The following NDUFAF6 variants were observed in gnomAD, a reference collection of about 807,000 sequenced individuals.
NDUFAF6 encodes the protein NADH:ubiquinone oxidoreductase complex assembly factor 6, also known as NADH dehydrogenase (ubiquinone) complex I, assembly factor 6.
A neutral mutation model predicts 40.8 loss-of-function variants in NDUFAF6; 45 were observed. The ratio of observed to expected loss-of-function variants is 1.10; its 90% CI spans 0.87 to 1.42. The LOEUF (loss-of-function observed/expected upper bound fraction) is 1.42. NDUFAF6 is among the 40% of genes most tolerant of loss of function. NDUFAF6 has a pLI of 0.00. For synonymous variants in NDUFAF6, 185 were observed against 155.9 expected, an observed-to-expected ratio of 1.19 and a Z score of -1.39; for missense variants, 435 against 418.5, an observed-to-expected ratio of 1.04 and a Z score of -0.34.
Position 94,990,193 on chromosome 8 carries a change from A to G in NDUFAF6, c.-84+9220A>G, listed in dbSNP as rs28514338. On this transcript the variant is annotated intron_variant, in intron 2 of 9. Coordinates refer to the NDUFAF6 transcript ENST00000396111. ...CTGAGTGACTGTGGAGCAAGCTGAG[A>G]GGTCTGCTTTGCTGAAAGACAAGGA... Among the ~76,000 whole-genome samples, 1,041 of 152,320 alleles carry G rather than the reference A, an allele frequency of 6.8e-3. 15 individuals carry two copies. The highest frequency in any genetic ancestry group is 0.023 in the African/African-American group (960 of 41,564).
chr8:95,092,272 C>CCCAG (rs1809278316), intron 2 of NDUFAF6, among the ~76,000 whole-genome samples: 1 of 151,156 alleles, frequency 6.6e-6, no homozygotes, highest in Non-Finnish European at 1.5e-5. Context: ...ATCTCCGCAT[C>CCCAG]CCAGGTTCAA....
chr8:95,099,846 C>T (rs1213056695), upstream of NDUFAF6, among the ~76,000 whole-genome samples: 7 of 152,188 alleles, frequency 4.6e-5, no homozygotes, highest in African/African-American at 9.7e-5. Context: ...ATCACTAAAT[C>T]GTTTCCTATA....
At chr8:95,036,548 C>G (rs969594370) in intron 3 of NDUFAF6, 3 of 1,233,390 alleles carry the variant, frequency 2.4e-6, no homozygotes, top group Non-Finnish European at 3.1e-6. Flanking sequence ...AGAAGCTCAA[C>G]CTAGGTGACT....
chr8:94,931,914 G>A (rs1563721635), intron 1 of NDUFAF6, among the ~76,000 whole-genome samples: 1 of 152,186 alleles, frequency 6.6e-6, no homozygotes, highest in Admixed American at 6.5e-5. Context: ...GGAGGCTGCT[G>A]TGAGCCAATA....
At chr8:95,016,831 T>C (rs1827470071) in intron 2 of NDUFAF6, among the ~76,000 whole-genome samples, 3 of 152,006 alleles carry the variant, frequency 2.0e-5, no homozygotes, top group South Asian at 4.1e-4. Flanking sequence ...AGAAAATAAT[T>C]TGGGGTGCTT....
intron 1 of NDUFAF6, among the ~76,000 whole-genome samples, chr8:94,962,940 A>G (rs7819800): frequency 0.51 from 76,729 of 151,498 alleles, 19,833 homozygotes; most frequent in East Asian, 0.72. Context: ...ATAGGCACCC[A>G]CCATCACGCC....
upstream of NDUFAF6, among the ~76,000 whole-genome samples, chr8:94,956,739 GTAAA>G (rs1158174026): frequency 1.3e-5 from 2 of 152,122 alleles, no homozygotes; most frequent in Non-Finnish European, 2.9e-5. Context: ...GGAGGGGGAG[GTAAA>G]TGAATGACTG....
chr8:94,975,234 A>G (rs541853896), intron 1 of NDUFAF6: 2 of 152,344 alleles, frequency 1.3e-5, no homozygotes, highest in South Asian at 4.1e-4. Context: ...CACATTCAGC[A>G]GGTGGCTTCC....
intron 2 of NDUFAF6, among the ~76,000 whole-genome samples, chr8:95,007,443 C>G (rs1361159288): frequency 1.3e-5 from 2 of 152,094 alleles, no homozygotes; most frequent in Non-Finnish European, 2.9e-5. Flanking sequence ...GCAGGAAGAT[C>G]ACTTGAGCTC....
chr8:94,973,787 A>AGGTG (rs1389604424), intron 1 of NDUFAF6, among the ~76,000 whole-genome samples: 1 of 147,434 alleles, frequency 6.8e-6, no homozygotes, highest in Non-Finnish European at 1.5e-5. Flanking sequence ...TGGGAGGCCG[A>AGGTG]GGTGGAAGGA....
intron 2 of NDUFAF6, among the ~76,000 whole-genome samples, chr8:95,089,280 G>T (rs549601237): frequency 6.6e-6 from 1 of 151,882 alleles, no homozygotes; most frequent in East Asian, 1.9e-4. Context: ...GGCTGGTCTT[G>T]AACTCATGAA....
Position 95,058,678 on chromosome 8 carries a change from A to T in NDUFAF6, c.*741A>T, listed in dbSNP as rs569746995. 37 of 1,039,290 alleles carry T rather than the reference A, an allele frequency of 3.6e-5. No individual in the cohort carries two copies. The African/African-American group carries it at 6.2e-4, about 17-fold the overall frequency. 64.4% of individuals were successfully genotyped at this position (1,039,290 alleles called of 1,614,324 possible). The stretch of plus-strand genomic sequence containing the variant: ...GTATAAGTGATATGAACGGTATTGT[A>T]TTGAACATCCATTAAAGGGTTGCTA... On this transcript the variant is annotated 3_prime_UTR_variant, in exon 9 of 9. Transcript: ENST00000396124.
At chr8:94,946,341 T>A (rs1821988609) in intron 2 of NDUFAF6, among the ~76,000 whole-genome samples, 1 of 152,108 alleles carries the variant, frequency 6.6e-6, no homozygotes, top group Non-Finnish European at 1.5e-5. Context: ...GAAGATCTTG[T>A]TAGCATAATT....
chr8:95,048,393 C>T (rs549342306), intron 6 of NDUFAF6, 64 bp from the exon 7 acceptor site: 3 of 1,133,096 alleles, frequency 2.6e-6, no homozygotes, highest in South Asian at 2.5e-5. Context: ...ATTTTCTTTC[C>T]TAGGTGAACT....
chr8:95,060,368 G>A (rs1253307097), downstream of NDUFAF6, among the ~76,000 whole-genome samples: 3 of 152,164 alleles, frequency 2.0e-5, no homozygotes, highest in Non-Finnish European at 4.4e-5. Context: ...TAAGTGGATA[G>A]CAGATAACAT....
intron 1 of NDUFAF6, chr8:94,896,375 T>G (rs1375251061): frequency 6.6e-6 from 1 of 151,564 alleles, no homozygotes; most frequent in Non-Finnish European, 1.5e-5. Context: ...CCCGACGCTC[T>G]TCCTTTATCC....
intron 2 of NDUFAF6, among the ~76,000 whole-genome samples, chr8:95,000,016 C>A (rs1826644960): frequency 6.6e-6 from 1 of 151,652 alleles, no homozygotes; most frequent in African/African-American, 2.4e-5. Flanking sequence ...TGGAGATCAG[C>A]CTGGACAACA....
downstream of NDUFAF6, among the ~76,000 whole-genome samples, chr8:95,061,789 TGTA>T (rs993460007): frequency 1.1e-4 from 17 of 152,338 alleles, no homozygotes; most frequent in Admixed American, 1.3e-4. Context: ...TAACTCATTC[TGTA>T]GTATACGCTG....
chr8:94,966,549 G>A (rs981503114), intron 1 of NDUFAF6, among the ~76,000 whole-genome samples: 1 of 152,132 alleles, frequency 6.6e-6, no homozygotes, highest in African/African-American at 2.4e-5. Flanking sequence ...AGCTGTGACT[G>A]CACCACTGCA....
Sources: allele counts gnomAD v4.1 joint callset (sites outside exome capture counted in the v4.1 genomes callset), GRCh38; gene constraint gnomAD v4.1.1; transcripts MANE v1.5; gene names NCBI Gene and HGNC (gene_info 2026-07-23, HGNC 2026-07-21).